Variants in ARVCF observed in about 807,000 individuals in gnomAD.
ARVCF encodes splicing regulator ARVCF.
ARVCF carries 66 observed loss-of-function variants against 90.9 expected under a neutral mutation model. That is an observed-to-expected ratio of 0.73 (90% CI 0.60 to 0.89). ARVCF has a LOEUF of 0.89. Ranked by LOEUF, ARVCF falls within the 40% of genes least tolerant of loss-of-function variation. The pLI is 0.00. For synonymous variants in ARVCF, 653 were observed against 603.4 expected (o/e 1.08, Z -1.21); for missense variants, 1,469 against 1,382.3 (o/e 1.06, Z -1.00).
In ARVCF at chr22:19,980,405, T is replaced by C. The variant is rs550282479; in HGVS notation, c.897-163A>G. On this transcript the variant is annotated intron_variant, in intron 5 of 19. Transcript: ENST00000263207. ...AGCATGGTGGGGACACAGAGAGTCA[T>C]GCACCAGCCCAGTGAGAACCAATTC... is the stretch of plus-strand genomic sequence containing the variant. 3.6e-6 allele frequency: 4 copies of C among 1,118,206 alleles called. No individual in the cohort carries two copies. The South Asian group carries it at 6.3e-5, about 18-fold the overall frequency. The allele number at this position is 1,118,206 out of a possible 1,614,324, so 69.3% of individuals were successfully genotyped here. A position where few individuals can be genotyped will look rare whatever the true frequency, so the allele number is the denominator to read the frequency against.
At chr22:19,976,820 T>G (rs1943184102) in intron 9 of ARVCF, 97 bp from the exon 10 acceptor site, 2 of 1,382,432 alleles carry the variant, frequency 1.4e-6, no homozygotes. Flanking sequence ...AGGTTCCCAC[T>G]GCACACCCTG....
intron 2 of ARVCF, among the ~76,000 whole-genome samples, chr22:20,004,174 T>C (rs895684276): frequency 6.6e-6 from 1 of 152,108 alleles, no homozygotes; most frequent in Non-Finnish European, 1.5e-5. Context: ...AAACTTAAGA[T>C]CTGTACACTG....
rs369556079 is a variant in ARVCF at position 19,969,906 on chromosome 22, G to A, written c.*850C>T. On this transcript the variant is annotated 3_prime_UTR_variant, in exon 20 of 20. Transcript: ENST00000263207. ...GCAGAAAGCAAAAAGTTCCTTTGCTGCTTTAATTTTTAAATTTTCTTACAA... is the reference window on the plus strand; with the variant it reads ...GCAGAAAGCAAAAAGTTCCTTTGCTACTTTAATTTTTAAATTTTCTTACAA... 1.0e-6 allele frequency: 1 copy of A among 985,504 alleles called. No individual in the cohort carries two copies. The highest frequency in any genetic ancestry group is 1.7e-5 in the African/African-American group (1 of 57,370). 61.0% of individuals were successfully genotyped at this position (985,504 alleles called of 1,614,324 possible). A position where few individuals can be genotyped will look rare whatever the true frequency, so the allele number is the denominator to read the frequency against.
chr22:19,977,355 G>C, intron 9 of ARVCF, 60 bp downstream of exon 9: 20 of 1,465,606 alleles, frequency 1.4e-5, no homozygotes, highest in Non-Finnish European at 1.8e-5. Context: ...TGTACAGAGA[G>C]CCTTCCGCTG....
rs576793681 is a variant in ARVCF, at chr22:19,973,235, G to A, written c.2322C>T (p.Asp774=). Residue 774 remains aspartate (D), a synonymous_variant, in exon 14 of 20, where the codon GAC becomes GAT. Transcript: ENST00000263207. ...TGGTGTTGAGCACCGCCACCACGGT[G>A]TCTTCCTCCAGGCAGGCCCCCGGTC... ...PPRPGACLEE[D]TVVAVLNTIH... The A allele has an allele frequency of 6.2e-7, 1 of 1,610,756 alleles. No individual in the cohort carries two copies. Among genetic ancestry groups the A allele is most frequent in the African/African-American group, 1.3e-5 (1 of 75,018 alleles).
chr22:19,970,672 A>C lies in ARVCF; in HGVS notation c.*84T>G. Reference sequence around the variant, plus strand: ...CTGCCGCCAGGGGGCTCCAAGCTCCACGGCACGATCTGCTCAGGGTGGCCC... The same window carrying C: ...CTGCCGCCAGGGGGCTCCAAGCTCCCCGGCACGATCTGCTCAGGGTGGCCC... On this transcript the variant is annotated 3_prime_UTR_variant, in exon 20 of 20. Transcript: ENST00000263207. The C allele has an allele frequency of 7.8e-7, 1 of 1,286,126 alleles. No individual in the cohort carries two copies. Among genetic ancestry groups the C allele is most frequent in the Non-Finnish European group, 1.0e-6 (1 of 987,292 alleles). The allele number at this position is 1,286,126 out of a possible 1,614,324, so 79.7% of individuals were successfully genotyped here.
Position 19,973,316 on chromosome 22 carries a change from C to T in ARVCF, c.2241G>A (p.Gly747=). 1 of 1,593,836 alleles carries T rather than the reference C, an allele frequency of 6.3e-7. No individual in the cohort carries two copies. Among genetic ancestry groups the T allele is most frequent in the Non-Finnish European group, 8.5e-7 (1 of 1,175,046 alleles). The change falls in exon 14 of 20, where the codon GGG becomes GGA. Residue 747 remains glycine, a splice_region_variant and synonymous_variant. Transcript: ENST00000263207. ...GCACAAGCTCAGCCATGGCGTAGCT[C>T]CCTGAGGGGCAGGACTAGGTGTCAG... ...SLDRRNKDLI[G]SYAMAELVRN... is the part of the protein sequence containing the mutation.
chr22:19,986,767 G>T, intron 3 of ARVCF: 1 of 343,636 alleles, frequency 2.9e-6, no homozygotes, highest in Non-Finnish European at 5.2e-6. Flanking sequence ...GCCAAGAAGC[G>T]TCCATCCGGT....
chr22:20,000,798 T>G (rs1339175764), intron 2 of ARVCF, among the ~76,000 whole-genome samples: 2 of 152,154 alleles, frequency 1.3e-5, no homozygotes, highest in African/African-American at 4.8e-5. Context: ...CCTTCCACCA[T>G]GAGAGGACAC....
At position 19,981,182 on chromosome 22, in the gene ARVCF, G is replaced by A. The variant is rs1601605076; in HGVS notation, c.896+29C>T. 2.7e-6 allele frequency: 4 copies of A among 1,489,730 alleles called. No homozygotes were observed. In the South Asian group the frequency reaches 5.4e-5, roughly 20 times the overall value. 92.3% of individuals were successfully genotyped at this position (1,489,730 alleles called of 1,614,324 possible). A position where few individuals can be genotyped will look rare whatever the true frequency, so the allele number is the denominator to read the frequency against. On this transcript the variant is annotated intron_variant, in intron 5 of 19. Coordinates refer to ENST00000263207, the MANE Select transcript of ARVCF (RefSeq NM_001670.3). ...GTGGAGGGCAGACTTCCCAGAGGAG[G>A]TAGCCACAGGGGACGGGGTGCAGCT...
chr22:20,004,197 C>T (rs1944539082), intron 2 of ARVCF, among the ~76,000 whole-genome samples: 1 of 152,046 alleles, frequency 6.6e-6, no homozygotes, highest in Admixed American at 6.5e-5. Context: ...AACTATAAAA[C>T]ATTACCAAGA....
At chr22:20,011,569 G>A (rs1037792838) in intron 1 of ARVCF, among the ~76,000 whole-genome samples, 2 of 152,294 alleles carry the variant, frequency 1.3e-5, no homozygotes, top group Middle Eastern at 3.4e-3. Context: ...GTGGGATCAT[G>A]GGGGGTGGGA....
At chr22:20,002,278 G>A (rs1344906955) in intron 2 of ARVCF, among the ~76,000 whole-genome samples, 1 of 152,112 alleles carries the variant, frequency 6.6e-6, no homozygotes, top group Admixed American at 6.5e-5. Flanking sequence ...AGGGAGGAGG[G>A]TGCCCAGCTC....
chr22:19,982,491 C>A (rs2238780), intron 3 of ARVCF, among the ~76,000 whole-genome samples: 15 of 152,074 alleles, frequency 9.9e-5, no homozygotes, highest in Admixed American at 8.5e-4. Flanking sequence ...AGACCTGCAG[C>A]ATGCCTTCCT....
Position 19,978,010 on chromosome 22 carries a change from G to A in ARVCF, c.1646C>T (p.Ala549Val), listed in dbSNP as rs376589668. The change falls in exon 8 of 20, where the codon GCG (alanine) becomes GTG (valine). Residue 549 changes from alanine to valine, a missense_variant. Coordinates refer to ENST00000263207, the MANE Select transcript of ARVCF (RefSeq NM_001670.3). ...AGCCGACTGCAGGGCATGCAGGAGC[G>A]CGTCCACCAGCCCTTCACACTCCCG... ...RLRECEGLVDALLHALQSAVG... is the reference protein window; with the variant it reads ...RLRECEGLVDVLLHALQSAVG... The A allele has an allele frequency of 4.3e-6, 7 of 1,611,864 alleles. No homozygotes were observed. The highest frequency in any genetic ancestry group is 1.6e-4 in the Middle Eastern group (1 of 6,078).
intron 1 of ARVCF, among the ~76,000 whole-genome samples, chr22:20,010,921 G>C (rs141085922): frequency 6.6e-6 from 1 of 152,214 alleles, no homozygotes; most frequent in Non-Finnish European, 1.5e-5. Flanking sequence ...CCTAGAGTCC[G>C]CTCCCGCCTT....
At position 19,981,397 on chromosome 22, in the gene ARVCF, G is replaced by A. The variant is rs769561393; in HGVS notation, c.710C>T (p.Pro237Leu). ...FTLPGHREAF[P>L]VGPEPGPPGG... ...TGGTGGCCCAGGCTCAGGACCCACCGGGAAGGCTTCCCGGTGGCCAGGCAG... is the reference window on the plus strand; with the variant it reads ...TGGTGGCCCAGGCTCAGGACCCACCAGGAAGGCTTCCCGGTGGCCAGGCAG... Residue 237 changes from proline (P) to leucine (L), a missense_variant, in exon 5 of 20, where the codon CCG becomes CTG. By Grantham distance (98) the Pro-to-Leu change is moderately conservative. Transcript: ENST00000263207. 11 of 1,589,956 alleles carry A rather than the reference G, an allele frequency of 6.9e-6. No homozygotes were observed. The highest frequency in any genetic ancestry group is 3.5e-5 in the Admixed American group (2 of 56,510).
Position 19,980,212 on chromosome 22 carries a change from G to A in ARVCF, c.927C>T (p.Gly309=), listed in dbSNP as rs528593093. ...ACGCAGGCCGCTCGTCCGCCAGCTC[G>A]CCGCCATCATCTGCTGTGTCCTCGT... ...RAYEDTADDG[G]ELADERPAFP... is the part of the protein sequence containing the mutation. Residue 309 remains glycine (G), a synonymous_variant, in exon 6 of 20, where the codon GGC becomes GGT. Coordinates refer to ENST00000263207, the MANE Select transcript of ARVCF (RefSeq NM_001670.3). The A allele has an allele frequency of 4.6e-5, 71 of 1,542,536 alleles. No homozygotes were observed. Among genetic ancestry groups the A allele is most frequent in the South Asian group, 3.5e-4 (29 of 83,090 alleles).
intron 3 of ARVCF, among the ~76,000 whole-genome samples, chr22:19,985,906 C>T (rs957252090): frequency 1.3e-5 from 2 of 152,192 alleles, no homozygotes; most frequent in African/African-American, 4.8e-5. Flanking sequence ...CTTCTCCATC[C>T]CCATTATGGC....
Sources: gnomAD v4.1 joint callset for allele counts (sites outside exome capture counted in the v4.1 genomes callset) on GRCh38, gnomAD v4.1.1 for gene constraint, MANE v1.5 for transcripts, NCBI Gene and HGNC (gene_info 2026-07-23, HGNC 2026-07-21) for gene names.